The following ZNF385D variants were observed in gnomAD, a reference collection of about 807,000 sequenced individuals.
ZNF385D encodes the protein zinc finger protein 659.
A neutral mutation model predicts 35.8 loss-of-function variants in ZNF385D; 15 were observed. That is an observed-to-expected ratio of 0.42 (90% CI 0.28 to 0.64). The LOEUF is 0.64. Among genes scored for constraint, ZNF385D ranks in the 30% least tolerant of loss-of-function variants. The probability of loss-of-function intolerance (pLI) is 0.23; values close to 1 mark genes in which losing one functional copy is unlikely to be tolerated. For synonymous variants in ZNF385D, 212 were observed against 186.8 expected (o/e 1.13, Z -1.10); for missense variants, 474 against 494.6 (o/e 0.96, Z 0.39).
chr3:21,510,651 C>A (rs528494262), intron 4 of ZNF385D, among the ~76,000 whole-genome samples: 1 of 152,056 alleles, frequency 6.6e-6, no homozygotes, highest in African/African-American at 2.4e-5. Context: ...AGGACTCTTG[C>A]AAAATGCAAA....
At chr3:21,545,864 G>C (rs1335365345) in intron 3 of ZNF385D, among the ~76,000 whole-genome samples, 2 of 152,154 alleles carry the variant, frequency 1.3e-5, no homozygotes, top group East Asian at 3.9e-4. Flanking sequence ...CTCAAGAGGA[G>C]AGGATCACCC....
At chr3:22,000,682 C>A (rs1179756740) in intron 3 of ZNF385D, among the ~76,000 whole-genome samples, 2 of 151,846 alleles carry the variant, frequency 1.3e-5, no homozygotes, top group Non-Finnish European at 2.9e-5. Context: ...GAAAGAACCT[C>A]CAACAGACTA....
chr3:21,987,538 A>G (rs1185897076), intron 3 of ZNF385D, among the ~76,000 whole-genome samples: 27 of 128,618 alleles, frequency 2.1e-4, no homozygotes, highest in South Asian at 1.1e-3. Context: ...CGAGAGATCC[A>G]CTGTTAGTCT....
At chr3:22,041,483 C>T (rs1217148247) in intron 3 of ZNF385D, among the ~76,000 whole-genome samples, 3 of 152,092 alleles carry the variant, frequency 2.0e-5, no homozygotes, top group Non-Finnish European at 4.4e-5. Context: ...TTATCGACTA[C>T]AAAATTCAAA....
intron 3 of ZNF385D, among the ~76,000 whole-genome samples, chr3:21,870,367 G>C (rs1486176421): frequency 6.6e-6 from 1 of 152,090 alleles, no homozygotes; most frequent in Non-Finnish European, 1.5e-5. Flanking sequence ...CCCTAGCTGT[G>C]GTTTCACCAT....
intron 3 of ZNF385D, among the ~76,000 whole-genome samples, chr3:22,001,754 C>T (rs574154287): frequency 6.7e-6 from 1 of 148,604 alleles, no homozygotes; most frequent in African/African-American, 2.5e-5. Context: ...AAAAAAAAAT[C>T]TAAATCCTAT....
intron 4 of ZNF385D, among the ~76,000 whole-genome samples, chr3:21,487,422 G>A (rs1705115600): frequency 6.6e-6 from 1 of 152,084 alleles, no homozygotes; most frequent in African/African-American, 2.4e-5. Flanking sequence ...TAGATATTTG[G>A]TAAGCACTGT....
At chr3:21,925,258 T>C (rs1364342762) in intron 3 of ZNF385D, among the ~76,000 whole-genome samples, 2 of 152,140 alleles carry the variant, frequency 1.3e-5, no homozygotes, top group Admixed American at 6.6e-5. Flanking sequence ...TCTATATAGC[T>C]ATGACAACCA....
intron 1 of ZNF385D, among the ~76,000 whole-genome samples, chr3:21,716,369 T>G (rs965898932): frequency 6.6e-6 from 1 of 152,092 alleles, no homozygotes; most frequent in African/African-American, 2.4e-5. Flanking sequence ...ATATGATCAC[T>G]CTATAATCTC....
At chr3:21,595,878 CATGA>C (rs370358807) in intron 2 of ZNF385D, among the ~76,000 whole-genome samples, 5 of 152,278 alleles carry the variant, frequency 3.3e-5, no homozygotes, top group African/African-American at 1.2e-4. Flanking sequence ...AGTGATCTTT[CATGA>C]ATACCAACTA....
chr3:21,734,062 T>C (rs1467801103), intron 1 of ZNF385D, among the ~76,000 whole-genome samples: 2 of 152,208 alleles, frequency 1.3e-5, no homozygotes, highest in Non-Finnish European at 2.9e-5. Flanking sequence ...CACTTATGTT[T>C]CTTCTTTCAG....
In ZNF385D at chr3:21,416,161, G is replaced by T. The variant is rs1316161507; in HGVS notation, c.*5053C>A. The T allele has an allele frequency of 5.2e-5, 2 of 38,408 alleles. 1 individual carries two copies. Among genetic ancestry groups the T allele is most frequent in the Non-Finnish European group, 8.9e-5 (2 of 22,458 alleles). The allele number at this position is 38,408 out of a possible 1,614,324, so 2.4% of individuals were successfully genotyped here. On this transcript the variant is annotated 3_prime_UTR_variant, in exon 8 of 8. Coordinates refer to ENST00000281523, the MANE Select transcript of ZNF385D (RefSeq NM_024697.3). ...TTCTCCTGCCTCAGCCTCCCGAGTA[G>T]CTGGGACTACAGGCGCCCGCCACCG...
At chr3:21,934,839 C>T (rs1435015267) in intron 3 of ZNF385D, among the ~76,000 whole-genome samples, 2 of 152,142 alleles carry the variant, frequency 1.3e-5, no homozygotes, top group South Asian at 2.1e-4. Context: ...CTGTTAACTA[C>T]AATTAATTTG....
chr3:22,345,890 G>C (rs79343483), intron 2 of ZNF385D, among the ~76,000 whole-genome samples: 2,521 of 152,272 alleles, frequency 0.017, 77 homozygotes, highest in African/African-American at 0.056. Flanking sequence ...CCAAGTCAGG[G>C]CATCTCTGAG....
intron 2 of ZNF385D, among the ~76,000 whole-genome samples, chr3:21,634,504 C>G (rs1473749083): frequency 1.3e-5 from 2 of 151,984 alleles, no homozygotes; most frequent in African/African-American, 2.4e-5. Context: ...GCATTGTATG[C>G]TACACATCTG....
intron 3 of ZNF385D, among the ~76,000 whole-genome samples, chr3:22,155,260 G>T (rs1210492669): frequency 6.6e-6 from 1 of 152,058 alleles, no homozygotes; most frequent in South Asian, 2.1e-4. Flanking sequence ...CTGTGGTAAA[G>T]AAATTATTTC....
At chr3:21,602,584 C>G (rs547898604) in intron 2 of ZNF385D, among the ~76,000 whole-genome samples, 1 of 130,480 alleles carries the variant, frequency 7.7e-6, no homozygotes, top group Admixed American at 8.3e-5. Flanking sequence ...GGACTGCGGA[C>G]TGCAGTGGCG....
intron 3 of ZNF385D, among the ~76,000 whole-genome samples, chr3:21,876,014 A>T (rs1234500523): frequency 6.6e-6 from 1 of 152,180 alleles, no homozygotes; most frequent in Non-Finnish European, 1.5e-5. Context: ...TTTAAAATCC[A>T]GAAAGAAAAA....
chr3:22,095,395 G>T (rs1175454187), intron 3 of ZNF385D, among the ~76,000 whole-genome samples: 2 of 151,124 alleles, frequency 1.3e-5, no homozygotes, highest in Non-Finnish European at 3.0e-5. Flanking sequence ...TTTTCATATG[G>T]TAACTTAGGC....
Sources: gnomAD v4.1 joint callset for allele counts (sites outside exome capture counted in the v4.1 genomes callset) on GRCh38, gnomAD v4.1.1 for gene constraint, MANE v1.5 for transcripts, NCBI Gene and HGNC (gene_info 2026-07-23, HGNC 2026-07-21) for gene names.